MARCO: variants seen among roughly 807,000 people sequenced by gnomAD.
MARCO encodes the protein macrophage receptor MARCO.
Under a neutral mutation model 70.0 loss-of-function variants are expected in MARCO, and 72 were observed. The observed-to-expected ratio is 1.03, with a 90% confidence interval of 0.85 to 1.25. The LOEUF is 1.25. Among genes scored for constraint, MARCO ranks in the 50% most tolerant of loss-of-function variants. MARCO has a pLI of 0.00. For synonymous variants in MARCO, 273 were observed against 243.1 expected (o/e 1.12, Z -1.14); for missense variants, 696 against 659.3 (o/e 1.06, Z -0.61).
intron 6 of MARCO, among the ~76,000 whole-genome samples, chr2:118,976,661 T>G (rs552585223): frequency 6.6e-6 from 1 of 152,310 alleles, no homozygotes; most frequent in South Asian, 2.1e-4. Flanking sequence ...ATTATGCATC[T>G]GCTGAGGACA....
At chr2:118,968,754 C>T (rs1007601201) in intron 1 of MARCO, among the ~76,000 whole-genome samples, 2 of 152,200 alleles carry the variant, frequency 1.3e-5, no homozygotes, top group Non-Finnish European at 2.9e-5. Context: ...AGTCTCACTA[C>T]TTGTTTGCCA....
intron 12 of MARCO, among the ~76,000 whole-genome samples, chr2:118,986,695 A>G (rs1680514864): frequency 2.1e-5 from 2 of 95,698 alleles, no homozygotes; most frequent in South Asian, 4.2e-4. Flanking sequence ...GAAAGAAAGA[A>G]AGAAAGAAAG....
chr2:118,978,032 G>C (rs1406042578), intron 8 of MARCO, 97 bp downstream of exon 8: 2 of 720,958 alleles, frequency 2.8e-6, no homozygotes, highest in Non-Finnish European at 4.7e-6. Flanking sequence ...GCCCACTGAG[G>C]GCAAGGCAGT....
At chr2:118,945,506 G>A (rs372430644) in intron 1 of MARCO, among the ~76,000 whole-genome samples, 4 of 150,464 alleles carry the variant, frequency 2.7e-5, no homozygotes, top group Admixed American at 6.6e-5. Context: ...TCCATCTCCC[G>A]GGTTCAAGTG....
chr2:118,977,495 CA>C lies in MARCO; in HGVS notation c.639del (p.Lys215SerfsTer49). On this transcript the variant is annotated frameshift_variant, in exon 7 of 17. Coordinates refer to ENST00000327097, the MANE Select transcript of MARCO (RefSeq NM_006770.4). LOFTEE classifies it high-confidence loss of function. ...EAGLQGPQGA[P>X]GKQGATGTPG... ...GGCCTCCAAGGACCCCAGGGTGCTCCAGGGAAGCAAGGAGCCACTGGTAACT... is the reference window on the plus strand; with the variant it reads ...GGCCTCCAAGGACCCCAGGGTGCTCCGGGAAGCAAGGAGCCACTGGTAACT... The C allele has an allele frequency of 6.2e-7, 1 of 1,613,940 alleles. No individual in the cohort carries two copies. Among genetic ancestry groups the C allele is most frequent in the East Asian group, 2.2e-5 (1 of 44,834 alleles).
intron 8 of MARCO, among the ~76,000 whole-genome samples, chr2:118,978,148 A>G (rs1386013243): frequency 2.0e-5 from 3 of 152,170 alleles, no homozygotes; most frequent in Non-Finnish European, 2.9e-5. Context: ...AGGCATGACT[A>G]TGGCAAGCTG....
chr2:118,975,944 G>A (rs1680274224), intron 6 of MARCO, among the ~76,000 whole-genome samples: 2 of 152,154 alleles, frequency 1.3e-5, no homozygotes, highest in South Asian at 4.1e-4. Context: ...CTCAGCCTGT[G>A]GGGGCTTGAG....
chr2:118,969,846 TG>T (rs1229812178), intron 2 of MARCO, among the ~76,000 whole-genome samples: 1 of 152,186 alleles, frequency 6.6e-6, no homozygotes, highest in Non-Finnish European at 1.5e-5. Flanking sequence ...CTTAACTGCC[TG>T]AAGGTTGGAG....
In MARCO at chr2:118,981,422, CA is replaced by C; in HGVS notation, c.781del (p.Arg261GlyfsTer3). Reference protein sequence around the residue: ...DLGLPGSKGDRGMKGDAGVMG... With the variant: ...DLGLPGSKGDXGMKGDAGVMG... Reference sequence around the variant, plus strand: ...TTGGTTTTTCAGGAAGCAAAGGGGACAGGGGCATGAAAGGAGATGCAGGGGT... The same window carrying C: ...TTGGTTTTTCAGGAAGCAAAGGGGACGGGGCATGAAAGGAGATGCAGGGGT... On this transcript the variant is annotated frameshift_variant, in exon 9 of 17. Coordinates refer to ENST00000327097, the MANE Select transcript of MARCO (RefSeq NM_006770.4). LOFTEE classifies it high-confidence loss of function. 1 of 1,600,580 alleles carries C rather than the reference CA, an allele frequency of 6.2e-7. No individual in the cohort carries two copies. The highest frequency in any genetic ancestry group is 8.5e-7 in the Non-Finnish European group (1 of 1,176,822).
intron 1 of MARCO, among the ~76,000 whole-genome samples, chr2:118,953,663 C>T (rs2104553876): frequency 6.6e-6 from 1 of 152,256 alleles, no homozygotes; most frequent in East Asian, 1.9e-4. Context: ...AACCAGCAAT[C>T]CTGAGAGGAT....
intron 6 of MARCO, 47 bp downstream of exon 6, chr2:118,974,612 C>A: frequency 6.4e-7 from 1 of 1,570,276 alleles, no homozygotes; most frequent in Non-Finnish European, 8.7e-7. Flanking sequence ...GCAAGTTTCT[C>A]AGAGTGACTG....
chr2:118,986,586 G>GAAGAAGGAAAGAAAGAAAGA (rs1680489492), intron 12 of MARCO, among the ~76,000 whole-genome samples: 1 of 46,666 alleles, frequency 2.1e-5, no homozygotes, highest in Non-Finnish European at 3.7e-5. Flanking sequence ...GGGAAGGAAA[G>GAAGAAGGAAAGAAAGAAAGA]AAGAAAGAAA....
chr2:118,967,960 A>G (rs956428159), intron 1 of MARCO, among the ~76,000 whole-genome samples: 4 of 152,196 alleles, frequency 2.6e-5, no homozygotes, highest in African/African-American at 7.2e-5. Context: ...AGGCAAGCTC[A>G]GGCCTTGAAG....
intron 10 of MARCO, 62 bp from the exon 11 acceptor site, chr2:118,982,094 G>T: frequency 8.4e-7 from 1 of 1,186,142 alleles, no homozygotes; most frequent in Non-Finnish European, 1.2e-6. Flanking sequence ...AAGCACTGGG[G>T]GTTGGGGTAT....
chr2:118,969,185 G>A lies in MARCO; in HGVS notation c.123G>A (p.Gly41=). 6.2e-6 allele frequency: 10 copies of A among 1,613,974 alleles called. No homozygotes were observed. Among genetic ancestry groups the A allele is most frequent in the Non-Finnish European group, 8.5e-6 (10 of 1,179,806 alleles). ...TTCCAAAGCCCAAGAGGAGAAATGGGGTGAACTTCTCCCTAGCTGTGGTGG... is the reference window on the plus strand; with the variant it reads ...TTCCAAAGCCCAAGAGGAGAAATGGAGTGAACTTCTCCCTAGCTGTGGTGG... ...INVPKPKRRN[G]VNFSLAVVVI... is the part of the protein sequence containing the mutation. The change falls in exon 2 of 17, where the codon GGG becomes GGA. Residue 41 remains glycine, a synonymous_variant. Coordinates refer to ENST00000327097, the MANE Select transcript of MARCO (RefSeq NM_006770.4).
intron 1 of MARCO, among the ~76,000 whole-genome samples, chr2:118,946,397 G>C (rs1383906689): frequency 6.6e-6 from 1 of 151,974 alleles, no homozygotes; most frequent in Non-Finnish European, 1.5e-5. Flanking sequence ...TTGCCATTTT[G>C]GGAATGTTAC....
intron 1 of MARCO, chr2:118,952,593 C>T (rs924176318): frequency 3.3e-5 from 5 of 152,218 alleles, no homozygotes; most frequent in African/African-American, 1.2e-4. Flanking sequence ...ACTTTACCGG[C>T]TCCTGTGGCT....
intron 1 of MARCO, among the ~76,000 whole-genome samples, chr2:118,948,765 CTTA>C (rs1254808466): frequency 2.0e-5 from 3 of 152,016 alleles, no homozygotes; most frequent in Non-Finnish European, 4.4e-5. Flanking sequence ...AAGGAGTATA[CTTA>C]TTATAGTTGT....
chr2:118,955,480 T>C (rs1011733587), intron 1 of MARCO, among the ~76,000 whole-genome samples: 4 of 152,120 alleles, frequency 2.6e-5, no homozygotes, highest in African/African-American at 4.8e-5. Context: ...CTAAGAATAA[T>C]TGATGTTCCT....
Sources: allele counts gnomAD v4.1 joint callset (sites outside exome capture counted in the v4.1 genomes callset), GRCh38; gene constraint gnomAD v4.1.1; transcripts MANE v1.5; gene names NCBI Gene and HGNC (gene_info 2026-07-23, HGNC 2026-07-21).